Variants in CAMSAP2 observed in about 807,000 individuals in gnomAD.
The protein encoded by CAMSAP2 is calmodulin-regulated spectrin-associated protein 2.
CAMSAP2 carries 26 observed loss-of-function variants against 146.1 expected under a neutral mutation model. The observed-to-expected ratio is 0.18, with a 90% CI of 0.13 to 0.25. The LOEUF (loss-of-function observed/expected upper bound fraction) is 0.25, where lower values mean the gene tolerates loss of function less well. CAMSAP2 is among the 10% of genes least tolerant of loss of function. The probability of loss-of-function intolerance (pLI) is 1.00; values close to 1 mark genes in which losing one functional copy is unlikely to be tolerated. For missense variants in CAMSAP2, 1,381 were observed against 1,759.3 expected, an observed-to-expected ratio of 0.78 and a Z score of 3.85; for synonymous variants, 499 against 596.6, an observed-to-expected ratio of 0.84 and a Z score of 2.38.
At chr1:200,790,460 A>T (rs1250433239) in intron 2 of CAMSAP2, among the ~76,000 whole-genome samples, 1 of 152,176 alleles carries the variant, frequency 6.6e-6, no homozygotes, top group Non-Finnish European at 1.5e-5. Context: ...GATCCCTTGG[A>T]GTTTTAACTC....
chr1:200,857,272 T>C lies in CAMSAP2; in HGVS notation c.4013-34T>C. On this transcript the variant is annotated intron_variant, in intron 15 of 16. Transcript: ENST00000358823. The surrounding 1 kb of genome is among the most constrained non-coding windows in gnomAD (Gnocchi z 4.7). ...AGTAGTATTTCTGACTTAGGAATGTTATTTTTATTATTGTTGTTAAATCCC... is the reference window on the plus strand; with the variant it reads ...AGTAGTATTTCTGACTTAGGAATGTCATTTTTATTATTGTTGTTAAATCCC... 7.7e-7 allele frequency: 1 copy of C among 1,306,246 alleles called. No individual in the cohort carries two copies. Among genetic ancestry groups the C allele is most frequent in the East Asian group, 2.3e-5 (1 of 43,386 alleles). 80.9% of individuals were successfully genotyped at this position (1,306,246 alleles called of 1,614,324 possible).
chr1:200,756,346 G>A (rs527658700), intron 1 of CAMSAP2, among the ~76,000 whole-genome samples: 311 of 152,030 alleles, frequency 2.0e-3, no homozygotes, highest in African/African-American at 6.8e-3. Flanking sequence ...CCAGCTACTC[G>A]GAAGGCTGAG....
intron 2 of CAMSAP2, among the ~76,000 whole-genome samples, chr1:200,795,575 G>A (rs1466323027): frequency 6.6e-6 from 1 of 152,114 alleles, no homozygotes; most frequent in Non-Finnish European, 1.5e-5. Flanking sequence ...AGATGAAGTC[G>A]ATGAGTCTGC....
In CAMSAP2 at chr1:200,857,181, A is replaced by G; in HGVS notation, c.4013-125A>G. The G allele has an allele frequency of 1.4e-6, 1 of 714,960 alleles. No homozygotes were observed. Among genetic ancestry groups the G allele is most frequent in the Non-Finnish European group, 2.4e-6 (1 of 412,510 alleles). The allele number at this position is 714,960 out of a possible 1,614,324, so 44.3% of individuals were successfully genotyped here. ...GATTGCAGCCAGTAAGAGGCCTTTA[A>G]GCACAGAATTTGGTCTTCTATTACA... On this transcript the variant is annotated intron_variant, in intron 15 of 16. Transcript: ENST00000358823. This position sits in a 1 kb window ranked among gnomAD's most constrained non-coding sequence, Gnocchi z 4.7.
chr1:200,786,938 A>T (rs6691268), intron 2 of CAMSAP2, among the ~76,000 whole-genome samples: 4 of 151,656 alleles, frequency 2.6e-5, no homozygotes, highest in Admixed American at 6.6e-5. Flanking sequence ...ATAAGTAGAA[A>T]AACAAAGCCT....
intron 2 of CAMSAP2, among the ~76,000 whole-genome samples, chr1:200,789,389 T>G (rs991447721): frequency 2.8e-4 from 43 of 152,316 alleles, no homozygotes; most frequent in African/African-American, 1.0e-3. Flanking sequence ...CTTTTTTTTT[T>G]CATGTGGATG....
At chr1:200,809,404 A>G (rs150396295) in intron 3 of CAMSAP2, among the ~76,000 whole-genome samples, 10 of 152,036 alleles carry the variant, frequency 6.6e-5, no homozygotes, top group Non-Finnish European at 1.5e-4. Flanking sequence ...TTTAATGTAC[A>G]TAAGAATTAC....
chr1:200,843,206 G>A (rs936646762), intron 7 of CAMSAP2, among the ~76,000 whole-genome samples: 2 of 151,936 alleles, frequency 1.3e-5, no homozygotes. Context: ...AACTGCTACC[G>A]TTACCTGCAC....
intron 1 of CAMSAP2, among the ~76,000 whole-genome samples, chr1:200,748,180 A>G (rs1380324757): frequency 2.6e-5 from 4 of 152,088 alleles, no homozygotes; most frequent in Non-Finnish European, 5.9e-5. Flanking sequence ...TCATGTACCC[A>G]TCATCCAGCC....
intron 2 of CAMSAP2, among the ~76,000 whole-genome samples, chr1:200,793,984 C>G (rs1665819575): frequency 6.6e-6 from 1 of 152,114 alleles, no homozygotes. Flanking sequence ...GTAACAGCTC[C>G]TTTTTACTCC....
intron 2 of CAMSAP2, among the ~76,000 whole-genome samples, chr1:200,770,850 GTT>G (rs1426724599): frequency 6.6e-6 from 1 of 152,142 alleles, no homozygotes; most frequent in Non-Finnish European, 1.5e-5. Context: ...TTACGGATGG[GTT>G]TATTTAGTAG....
chr1:200,806,057 G>C lies in CAMSAP2; in HGVS notation c.400-1319G>C, dbSNP rs139043872. On this transcript the variant is annotated intron_variant, in intron 2 of 16. Transcript: ENST00000358823. ...GGTTGGAGAAGACCTTTATAAACAT[G>C]TTATCAACTCCAAAGCCATAAAGGA... Among the ~76,000 whole-genome samples, 764 of 152,196 alleles carry C rather than the reference G, an allele frequency of 5.0e-3. 10 individuals are homozygous for C. Among genetic ancestry groups the C allele is most frequent in the African/African-American group, 0.018 (734 of 41,534 alleles).
At chr1:200,823,867 C>T (rs973733668) in intron 4 of CAMSAP2, among the ~76,000 whole-genome samples, 12 of 152,146 alleles carry the variant, frequency 7.9e-5, no homozygotes, top group Admixed American at 1.3e-4. Context: ...GTGTCTTCTT[C>T]CCCATTTATT....
At chr1:200,855,884 C>A (rs1456103030) in intron 14 of CAMSAP2, 126 bp from the exon 15 acceptor site, 1 of 635,710 alleles carries the variant, frequency 1.6e-6, no homozygotes, top group Non-Finnish European at 2.8e-6. Context: ...CATGAGCCAC[C>A]GCGCCCGGCC....
chr1:200,802,828 C>T (rs1666069493), intron 2 of CAMSAP2, among the ~76,000 whole-genome samples: 1 of 152,086 alleles, frequency 6.6e-6, no homozygotes, highest in South Asian at 2.1e-4. Flanking sequence ...ATTTCTAATA[C>T]ATAAATGTAA....
At position 200,769,545 on chromosome 1, in the gene CAMSAP2, C is replaced by T. The variant is rs538984046; in HGVS notation, c.399+8447C>T. On this transcript the variant is annotated intron_variant, in intron 2 of 16. Transcript: ENST00000358823. ...CACACCAGTCACAAGTCCAGGCCTC[C>T]GGTACTTCTCACTGACCGGCTTCAA... Among the ~76,000 whole-genome samples, 47 of 152,236 alleles carry T rather than the reference C, an allele frequency of 3.1e-4. 1 individual carries two copies. The South Asian group carries it at 7.7e-3, about 25-fold the overall frequency.
At chr1:200,851,913 TA>T (rs1348747086) in intron 11 of CAMSAP2, among the ~76,000 whole-genome samples, 1 of 152,216 alleles carries the variant, frequency 6.6e-6, no homozygotes, top group East Asian at 1.9e-4. Context: ...GGGCTGTCCC[TA>T]AGGATTCAGG....
chr1:200,809,131 T>G (rs1330632389), intron 3 of CAMSAP2, among the ~76,000 whole-genome samples: 1 of 152,180 alleles, frequency 6.6e-6, no homozygotes, highest in Non-Finnish European at 1.5e-5. Flanking sequence ...TCGGACCTTC[T>G]GTAACCCTTT....
chr1:200,822,176 G>T (rs1042229370), intron 4 of CAMSAP2, among the ~76,000 whole-genome samples: 1 of 140,984 alleles, frequency 7.1e-6, no homozygotes, highest in Admixed American at 7.2e-5. Flanking sequence ...ACACACACAC[G>T]TAAATTGTTC....
Sources: allele counts gnomAD v4.1 joint callset (sites outside exome capture counted in the v4.1 genomes callset), GRCh38; gene constraint gnomAD v4.1.1; non-coding constraint Gnocchi (gnomAD v3.1); transcripts MANE v1.5; gene names NCBI Gene and HGNC (gene_info 2026-07-23, HGNC 2026-07-21).